Variants in CDH22 observed in about 807,000 individuals in gnomAD.
CDH22 encodes the protein cadherin 22, also known as cadherin-22.
A neutral mutation model predicts 58.4 loss-of-function variants in CDH22; 30 were observed. The observed-to-expected ratio is 0.51, with a 90% CI of 0.38 to 0.70. The LOEUF is 0.70. CDH22 is among the 30% of genes least tolerant of loss of function. The probability of loss-of-function intolerance (pLI) is 0.00; values close to 1 mark genes in which losing one functional copy is unlikely to be tolerated. For missense variants in CDH22, 1,014 were observed against 1,233.9 expected, an observed-to-expected ratio of 0.82 and a Z score of 2.67; for synonymous variants, 513 against 558.2, an observed-to-expected ratio of 0.92 and a Z score of 1.14.
At chr20:46,199,958 GTTTA>G (rs1361237108) in intron 7 of CDH22, among the ~76,000 whole-genome samples, 1 of 82,572 alleles carries the variant, frequency 1.2e-5, no homozygotes, top group African/African-American at 4.8e-5. Context: ...TTTCTTTTTT[GTTTA>G]TTTATTTTAT....
chr20:46,179,176 G>T (rs1401724774), intron 10 of CDH22, among the ~76,000 whole-genome samples: 2 of 152,226 alleles, frequency 1.3e-5, no homozygotes, highest in Admixed American at 1.3e-4. Flanking sequence ...TGCACATGCA[G>T]GGGTACGAAG....
At chr20:46,201,830 G>A (rs887800060) in intron 7 of CDH22, among the ~76,000 whole-genome samples, 1 of 152,134 alleles carries the variant, frequency 6.6e-6, no homozygotes, top group African/African-American at 2.4e-5. Flanking sequence ...ACGTGGGGAG[G>A]TTCAGACCCA....
chr20:46,215,028 G>A (rs902131449), intron 5 of CDH22, among the ~76,000 whole-genome samples: 6 of 152,240 alleles, frequency 3.9e-5, no homozygotes, highest in African/African-American at 1.2e-4. Context: ...ACAAATCAAA[G>A]AACGTGACAG....
chr20:46,305,102 T>A lies in CDH22; in HGVS notation c.-400+3153A>T, dbSNP rs572762049. On this transcript the variant is annotated intron_variant, in intron 1 of 11. Transcript: ENST00000537909. The stretch of plus-strand genomic sequence containing the variant: ...TCTGTTTCCAAGCAGCCACTGTGTA[T>A]CATCAACAATGAGAAAACGTCCCTC... 6.6e-5 allele frequency among the ~76,000 whole-genome samples: 10 copies of A among 152,308 alleles called. No individual in the cohort carries two copies. The South Asian group carries it at 1.0e-3, about 16-fold the overall frequency.
intron 1 of CDH22, among the ~76,000 whole-genome samples, chr20:46,281,355 A>G (rs1389401007): frequency 6.6e-6 from 1 of 152,200 alleles, no homozygotes. Flanking sequence ...GCCAGGGAAG[A>G]GTAGAGTGGC....
Position 46,174,404 on chromosome 20 carries a change from G to C in CDH22, c.*102C>G, listed in dbSNP as rs1352643645. The C allele has an allele frequency of 1.0e-5, 8 of 792,168 alleles. No homozygotes were observed. The highest frequency in any genetic ancestry group is 1.5e-5 in the Non-Finnish European group (8 of 538,122). 49.1% of individuals were successfully genotyped at this position (792,168 alleles called of 1,614,324 possible). A position where few individuals can be genotyped will look rare whatever the true frequency, so the allele number is the denominator to read the frequency against. On this transcript the variant is annotated 3_prime_UTR_variant, in exon 12 of 12. Coordinates refer to ENST00000537909, the MANE Select transcript of CDH22 (RefSeq NM_021248.3). This position sits in a 1 kb window ranked among gnomAD's most constrained non-coding sequence, Gnocchi z 4.4. The stretch of plus-strand genomic sequence containing the variant: ...CCGTCCAGCCGCCAAGGGAGGGTTG[G>C]GGGAGGGCAGGAAAGGGGGTCCGCG...
intron 4 of CDH22, 31 bp downstream of exon 4, chr20:46,227,477 G>T: frequency 7.3e-7 from 1 of 1,366,180 alleles, no homozygotes; most frequent in Non-Finnish European, 9.9e-7. Context: ...CCGCCCCACG[G>T]CTCCGCCTCT....
At chr20:46,183,704 A>G (rs1246408572) in intron 10 of CDH22, among the ~76,000 whole-genome samples, 2 of 152,182 alleles carry the variant, frequency 1.3e-5, no homozygotes, top group African/African-American at 4.8e-5. Context: ...TATAAACATG[A>G]GCCTTACATA....
At chr20:46,291,900 C>G (rs2086605256) in intron 1 of CDH22, among the ~76,000 whole-genome samples, 1 of 152,204 alleles carries the variant, frequency 6.6e-6, no homozygotes, top group Non-Finnish European at 1.5e-5. Flanking sequence ...GATGGCTGGC[C>G]GTATTCTTGG....
Position 46,251,373 on chromosome 20 carries a change from C to T in CDH22, c.-79G>A. The T allele has an allele frequency of 5.8e-6, 8 of 1,372,128 alleles. No homozygotes were observed. Among genetic ancestry groups the T allele is most frequent in the Non-Finnish European group, 7.5e-6 (8 of 1,065,702 alleles). 85.0% of individuals were successfully genotyped at this position (1,372,128 alleles called of 1,614,324 possible). On this transcript the variant is annotated 5_prime_UTR_variant, in exon 2 of 12. Transcript: ENST00000537909. This position sits in a 1 kb window ranked among gnomAD's most constrained non-coding sequence, Gnocchi z 6.7. ...GCCGCTGCTTGGTCGCACAACGATG[C>T]GGCGCCGTGTCACATGGTGGCCTCA... is the stretch of plus-strand genomic sequence containing the variant.
intron 8 of CDH22, among the ~76,000 whole-genome samples, chr20:46,191,197 AAAAC>A (rs2085859889): frequency 6.6e-6 from 1 of 152,128 alleles, no homozygotes; most frequent in Non-Finnish European, 1.5e-5. Context: ...TTTTCCTGGA[AAAAC>A]ATGATATTTC....
chr20:46,210,282 C>A lies in CDH22; in HGVS notation c.1286+25G>T. ...TGATGGCGGGATAGCAGGCAGCAGG[C>A]GTCGGCCCCGGGCGGGGGTCTCACC... On this transcript the variant is annotated intron_variant, in intron 7 of 11. Transcript: ENST00000537909. This position sits in a 1 kb window ranked among gnomAD's most constrained non-coding sequence, Gnocchi z 4.5. 1 of 1,380,504 alleles carries A rather than the reference C, an allele frequency of 7.2e-7. No individual in the cohort carries two copies. The highest frequency in any genetic ancestry group is 3.6e-5 in the Admixed American group (1 of 27,754). 85.5% of individuals were successfully genotyped at this position (1,380,504 alleles called of 1,614,324 possible). A position where few individuals can be genotyped will look rare whatever the true frequency, so the allele number is the denominator to read the frequency against.
intron 7 of CDH22, chr20:46,209,995 G>A (rs998556857): frequency 6.6e-6 from 2 of 302,200 alleles, no homozygotes; most frequent in Admixed American, 1.0e-4. Flanking sequence ...GAGCCAGTGT[G>A]GCTGCAGCCA....
chr20:46,279,101 G>A (rs1162306206), intron 1 of CDH22, among the ~76,000 whole-genome samples: 1 of 152,196 alleles, frequency 6.6e-6, no homozygotes, highest in African/African-American at 2.4e-5. Flanking sequence ...CCTCAGCGGT[G>A]TCTGCCGAAA....
chr20:46,180,388 G>T (rs1217095049), intron 10 of CDH22, among the ~76,000 whole-genome samples: 4 of 152,164 alleles, frequency 2.6e-5, no homozygotes, highest in African/African-American at 7.2e-5. Flanking sequence ...AGTCAAGTTC[G>T]ACAGTTCAAA....
intron 3 of CDH22, among the ~76,000 whole-genome samples, chr20:46,236,114 AT>A (rs2086249627): frequency 6.6e-6 from 1 of 152,088 alleles, no homozygotes; most frequent in Non-Finnish European, 1.5e-5. Context: ...TGCCTGGAAC[AT>A]TCTTCTTGTA....
intron 1 of CDH22, among the ~76,000 whole-genome samples, chr20:46,293,601 T>C (rs2086615197): frequency 6.6e-6 from 1 of 152,130 alleles, no homozygotes; most frequent in Non-Finnish European, 1.5e-5. Context: ...CACAACCCTA[T>C]TCCACGAAGT....
chr20:46,208,131 TG>T (rs2086014229), intron 7 of CDH22, among the ~76,000 whole-genome samples: 3 of 152,212 alleles, frequency 2.0e-5, no homozygotes, highest in Non-Finnish European at 4.4e-5. Flanking sequence ...GGTTACTCAT[TG>T]AATAGGTACA....
At chr20:46,269,337 A>G (rs1292876340) in intron 1 of CDH22, among the ~76,000 whole-genome samples, 3 of 152,174 alleles carry the variant, frequency 2.0e-5, no homozygotes, top group Non-Finnish European at 4.4e-5. Context: ...AGAGGCCCAG[A>G]GAGGGGATGC....
Sources: gnomAD v4.1 joint callset for allele counts (sites outside exome capture counted in the v4.1 genomes callset) on GRCh38, gnomAD v4.1.1 for gene constraint, Gnocchi (gnomAD v3.1) non-coding constraint, MANE v1.5 for transcripts, NCBI Gene and HGNC (gene_info 2026-07-23, HGNC 2026-07-21) for gene names.